Variants in SLC13A4 observed in about 807,000 individuals in gnomAD.
SLC13A4 encodes Na(+)/sulfate cotransporter SUT-1.
SLC13A4 carries 28 observed loss-of-function variants against 72.7 expected under a neutral mutation model. The ratio of observed to expected loss-of-function variants is 0.39; its 90% CI spans 0.29 to 0.53. SLC13A4 has a LOEUF of 0.53. Among genes scored for constraint, SLC13A4 ranks in the 20% least tolerant of loss-of-function variants. The probability of loss-of-function intolerance (pLI) is 0.78; values close to 1 mark genes in which losing one functional copy is unlikely to be tolerated. For synonymous variants in SLC13A4, 312 were observed against 325.5 expected (o/e 0.96, Z 0.45); for missense variants, 653 against 788.0 (o/e 0.83, Z 2.05).
At chr7:135,727,145 C>T (rs1321417514) in intron 1 of SLC13A4, among the ~76,000 whole-genome samples, 1 of 152,216 alleles carries the variant, frequency 6.6e-6, no homozygotes, top group African/African-American at 2.4e-5. Context: ...GTCACTTCTG[C>T]CAAGGCCCCT....
intron 2 of SLC13A4, among the ~76,000 whole-genome samples, chr7:135,708,635 C>T (rs1796224665): frequency 6.6e-6 from 1 of 151,984 alleles, no homozygotes; most frequent in Admixed American, 6.6e-5. Flanking sequence ...TCTCCCCAAA[C>T]CTAATTTTTA....
In SLC13A4 at chr7:135,686,011, C is replaced by T. The variant is rs188280750; in HGVS notation, c.1447-328G>A. Among the ~76,000 whole-genome samples, 185 of 152,370 alleles carry T rather than the reference C, an allele frequency of 1.2e-3. 1 individual carries two copies. Among genetic ancestry groups the T allele is most frequent in the African/African-American group, 4.3e-3 (177 of 41,580 alleles). On this transcript the variant is annotated intron_variant, in intron 13 of 15. Transcript: ENST00000682651. Reference sequence around the variant, plus strand: ...GATCTTTGCTCCTCAACTTCAGTCTCGTTACCCTTTCTCTAGCCTCTGACA... The same window carrying T: ...GATCTTTGCTCCTCAACTTCAGTCTTGTTACCCTTTCTCTAGCCTCTGACA...
chr7:135,681,411 T>A lies in SLC13A4; in HGVS notation c.*152A>T. 1.1e-6 allele frequency: 1 copy of A among 872,050 alleles called. No individual in the cohort carries two copies. Among genetic ancestry groups the A allele is most frequent in the Non-Finnish European group, 1.7e-6 (1 of 584,038 alleles). 54.0% of individuals were successfully genotyped at this position (872,050 alleles called of 1,614,324 possible). On this transcript the variant is annotated 3_prime_UTR_variant, in exon 16 of 16. Coordinates refer to ENST00000682651, the MANE Select transcript of SLC13A4 (RefSeq NM_001318192.2). Reference sequence around the variant, plus strand: ...TGTTGGAGGATTCCTGCAGTTCACTTGAGGTGGCGGAATCTTCTGGTGGAG... The same window carrying A: ...TGTTGGAGGATTCCTGCAGTTCACTAGAGGTGGCGGAATCTTCTGGTGGAG...
At chr7:135,724,169 A>G (rs1584744312) in intron 1 of SLC13A4, among the ~76,000 whole-genome samples, 2 of 152,104 alleles carry the variant, frequency 1.3e-5, no homozygotes, top group African/African-American at 4.8e-5. Flanking sequence ...TACAAGTTAC[A>G]AGTTAAGGGG....
intron 1 of SLC13A4, 80 bp from the exon 2 acceptor site, chr7:135,721,603 G>A: frequency 6.4e-7 from 1 of 1,571,198 alleles, no homozygotes; most frequent in Non-Finnish European, 8.7e-7. Context: ...TGGCATCTGA[G>A]GCAGCAGACT....
intron 10 of SLC13A4, among the ~76,000 whole-genome samples, chr7:135,693,777 C>T (rs142882270): frequency 8.5e-5 from 13 of 152,328 alleles, no homozygotes; most frequent in African/African-American, 2.9e-4. Context: ...GATAACCGCA[C>T]CACTGTGGTG....
At chr7:135,711,369 G>A (rs73160741) in intron 2 of SLC13A4, among the ~76,000 whole-genome samples, 24,999 of 152,150 alleles carry the variant, frequency 0.16, 2,096 homozygotes, top group Admixed American at 0.17. Context: ...CTTTTAGGAT[G>A]CTCAGTGCCT....
intron 1 of SLC13A4, among the ~76,000 whole-genome samples, chr7:135,723,104 T>C (rs1006635705): frequency 1.3e-5 from 2 of 152,186 alleles, no homozygotes; most frequent in Non-Finnish European, 2.9e-5. Context: ...CAAATGTCCC[T>C]TGGGGAGGTA....
chr7:135,712,582 C>T (rs942556301), intron 2 of SLC13A4, among the ~76,000 whole-genome samples: 18 of 152,194 alleles, frequency 1.2e-4, no homozygotes, highest in African/African-American at 4.3e-4. Context: ...GGCCAGGATC[C>T]CTGGTGACTC....
At position 135,694,193 on chromosome 7, in the gene SLC13A4, C is replaced by T. The variant is rs371483429; in HGVS notation, c.1065G>A (p.Arg355=). The change falls in exon 10 of 16, where the codon AGG becomes AGA. Residue 355 remains arginine, a synonymous_variant. Coordinates refer to ENST00000682651, the MANE Select transcript of SLC13A4 (RefSeq NM_001318192.2). ...GGATCCTCTTCTCTGACAACTGTTC[C>T]CTTTTGGTCTTCTTCTTCTTGCTCA... ...CSLSKKKKTK[R]EQLSEKRIQE... 2 of 1,613,386 alleles carry T rather than the reference C, an allele frequency of 1.2e-6. No individual in the cohort carries two copies. The highest frequency in any genetic ancestry group is 1.7e-6 in the Non-Finnish European group (2 of 1,179,392).
chr7:135,699,782 G>A (rs900802294), intron 7 of SLC13A4, among the ~76,000 whole-genome samples: 6 of 152,188 alleles, frequency 3.9e-5, no homozygotes, highest in African/African-American at 1.4e-4. Flanking sequence ...AGTAAATGAA[G>A]TAATATATGT....
At position 135,681,736 on chromosome 7, in the gene SLC13A4, G is replaced by T; in HGVS notation, c.1747-36C>A. On this transcript the variant is annotated intron_variant, in intron 15 of 15. Transcript: ENST00000682651. ...CAAACCAGCACACCCTAGTCACTCT[G>T]ACCAGCAGCAGCACAGATCCCCAAG... The T allele has an allele frequency of 2.5e-6, 4 of 1,601,632 alleles. No individual in the cohort carries two copies. In the South Asian group the frequency reaches 4.5e-5, roughly 18 times the overall value.
intron 1 of SLC13A4, among the ~76,000 whole-genome samples, chr7:135,723,240 T>C (rs1221022100): frequency 3.9e-5 from 6 of 152,148 alleles, no homozygotes; most frequent in African/African-American, 1.4e-4. Context: ...GCCATCTATC[T>C]GGAAGGGGAG....
rs113156106 is a variant in SLC13A4 at position 135,702,070 on chromosome 7, G to T, written c.634-310C>A. On this transcript the variant is annotated intron_variant, in intron 6 of 15. Coordinates refer to ENST00000682651, the MANE Select transcript of SLC13A4 (RefSeq NM_001318192.2). ...CCTTTATATATAAGATGAAAAAAAA[G>T]AAAATAAAAAAAAAATAATCACAAG... 1,592 of 180,704 alleles carry T rather than the reference G, an allele frequency of 8.8e-3. 22 individuals carry two copies. Among genetic ancestry groups the T allele is most frequent in the African/African-American group, 0.039 (1,440 of 36,830 alleles). The allele number at this position is 180,704 out of a possible 1,614,324, so 11.2% of individuals were successfully genotyped here.
chr7:135,706,211 T>C lies in SLC13A4; in HGVS notation c.455A>G (p.Glu152Gly). The C allele has an allele frequency of 3.1e-6, 5 of 1,613,954 alleles. No individual in the cohort carries two copies. Among genetic ancestry groups the C allele is most frequent in the Non-Finnish European group, 4.2e-6 (5 of 1,179,826 alleles). ...STTAMVMPIV[E>G]AVLQELVSAE... ...ACTGACCAGCTCCTGCAGCACGGCC[T>C]CCACGATGGGCATCACCATGGCGGT... Residue 152 changes from glutamate to glycine, a missense_variant, in exon 4 of 16, where the codon GAG (glutamate) becomes GGG (glycine). Coordinates refer to ENST00000682651, the MANE Select transcript of SLC13A4 (RefSeq NM_001318192.2).
chr7:135,681,517 T>C lies in SLC13A4; in HGVS notation c.*46A>G. ...TCTTTGCCTGTGGTCCAGATACTGC[T>C]GGATACTGGCAGCTCCTGTGGTTGG... On this transcript the variant is annotated 3_prime_UTR_variant, in exon 16 of 16. Coordinates refer to ENST00000682651, the MANE Select transcript of SLC13A4 (RefSeq NM_001318192.2). The C allele has an allele frequency of 6.3e-7, 1 of 1,595,846 alleles. No individual in the cohort carries two copies. Among genetic ancestry groups the C allele is most frequent in the Non-Finnish European group, 8.6e-7 (1 of 1,169,230 alleles).
chr7:135,688,320 G>C (rs879890094), intron 13 of SLC13A4, among the ~76,000 whole-genome samples: 1 of 151,218 alleles, frequency 6.6e-6, no homozygotes, highest in Non-Finnish European at 1.5e-5. Context: ...GCAGTGGCAC[G>C]ATCTCGGCTC....
Position 135,719,966 on chromosome 7 carries a change from A to G in SLC13A4, c.228+1429T>C, listed in dbSNP as rs567905564. ...GGGAGGGAGTTGGGGGGAGAGAGAG[A>G]GAGAGAGAGAAAGAGAGAGAAAGAA... On this transcript the variant is annotated intron_variant, in intron 2 of 15. Coordinates refer to ENST00000682651, the MANE Select transcript of SLC13A4 (RefSeq NM_001318192.2). Among the ~76,000 whole-genome samples, 450 of 151,478 alleles carry G rather than the reference A, an allele frequency of 3.0e-3. 2 individuals carry two copies. The highest frequency in any genetic ancestry group is 0.014 in the Middle Eastern group (4 of 292).
intron 13 of SLC13A4, among the ~76,000 whole-genome samples, chr7:135,686,138 GA>G: frequency 6.6e-6 from 1 of 152,326 alleles, no homozygotes; most frequent in Non-Finnish European, 1.5e-5. Flanking sequence ...CTAAAAAAGG[GA>G]AAAATTTATC....
Sources: allele counts gnomAD v4.1 joint callset (sites outside exome capture counted in the v4.1 genomes callset), GRCh38; gene constraint gnomAD v4.1.1; transcripts MANE v1.5; gene names NCBI Gene and HGNC (gene_info 2026-07-23, HGNC 2026-07-21).